Variants in HK2 observed in about 807,000 individuals in gnomAD.
The protein encoded by HK2 is hexokinase-2.
HK2 carries 42 observed loss-of-function variants against 92.9 expected under a neutral mutation model. The ratio of observed to expected loss-of-function variants is 0.45; its 90% CI spans 0.35 to 0.58. The LOEUF is 0.58. HK2 is among the 20% of genes least tolerant of loss of function. The pLI is 0.00. For missense variants in HK2, 978 were observed against 1,245.1 expected, an observed-to-expected ratio of 0.79 and a Z score of 3.23; for synonymous variants, 422 against 468.0, an observed-to-expected ratio of 0.90 and a Z score of 1.27.
chr2:74,883,455 A>C (rs1379678952), intron 12 of HK2, among the ~76,000 whole-genome samples: 1 of 152,138 alleles, frequency 6.6e-6, no homozygotes, highest in African/African-American at 2.4e-5. Context: ...CATTGTGGAG[A>C]GGGTCATGTA....
intron 5 of HK2, 36 bp from the exon 6 acceptor site, chr2:74,873,808 T>C: frequency 6.8e-7 from 1 of 1,460,274 alleles, no homozygotes; most frequent in African/African-American, 1.4e-5. Flanking sequence ...CCCTCTGTGA[T>C]GATGAAGGTC....
chr2:74,860,725 C>T (rs1216588151), intron 2 of HK2, among the ~76,000 whole-genome samples: 3 of 152,106 alleles, frequency 2.0e-5, no homozygotes, highest in East Asian at 1.9e-4. Flanking sequence ...TTTGTGGACA[C>T]GTTTTTAGTT....
intron 1 of HK2, among the ~76,000 whole-genome samples, chr2:74,836,402 T>C (rs1367984242): frequency 6.6e-6 from 1 of 152,200 alleles, no homozygotes; most frequent in Non-Finnish European, 1.5e-5. Flanking sequence ...GGAAATGAGT[T>C]GTAATCTCTG....
intron 1 of HK2, among the ~76,000 whole-genome samples, chr2:74,852,342 G>A (rs1001130929): frequency 6.6e-6 from 1 of 152,250 alleles, no homozygotes; most frequent in Admixed American, 6.5e-5. Context: ...GGAGTGGGAA[G>A]CCTCCAGGGT....
chr2:74,860,385 A>C (rs1688797562), intron 2 of HK2, among the ~76,000 whole-genome samples: 1 of 152,226 alleles, frequency 6.6e-6, no homozygotes, highest in Non-Finnish European at 1.5e-5. Flanking sequence ...ATCACCCCAG[A>C]AAGTTACCTT....
chr2:74,874,039 G>C, intron 6 of HK2, 96 bp downstream of exon 6: 1 of 1,033,860 alleles, frequency 9.7e-7, no homozygotes, highest in Non-Finnish European at 1.5e-6. Flanking sequence ...GTGTTCCTTT[G>C]TAGTTCATAT....
intron 2 of HK2, among the ~76,000 whole-genome samples, chr2:74,856,511 A>C (rs190036334): frequency 1.3e-5 from 2 of 152,228 alleles, no homozygotes; most frequent in Admixed American, 1.3e-4. Flanking sequence ...TTTATTTGAC[A>C]TTCAGATAAA....
chr2:74,876,270 C>T (rs1292458522), intron 7 of HK2, among the ~76,000 whole-genome samples: 1 of 152,164 alleles, frequency 6.6e-6, no homozygotes. Flanking sequence ...GAATCCCTTC[C>T]ACATCTCAGT....
chr2:74,872,931 G>GTA (rs1211539157), intron 4 of HK2, among the ~76,000 whole-genome samples: 1 of 152,224 alleles, frequency 6.6e-6, no homozygotes, highest in Non-Finnish European at 1.5e-5. Flanking sequence ...CCACAAATCT[G>GTA]TATAGCATGT....
In HK2 at chr2:74,834,331, C is replaced by G. The variant is rs1057091098; in HGVS notation, c.-250C>G. 1.9e-5 allele frequency: 11 copies of G among 571,366 alleles called. No individual in the cohort carries two copies. The highest frequency in any genetic ancestry group is 3.2e-5 in the Non-Finnish European group (10 of 317,196). The allele number at this position is 571,366 out of a possible 1,614,324, so 35.4% of individuals were successfully genotyped here. On this transcript the variant is annotated 5_prime_UTR_variant, in exon 1 of 18. Coordinates refer to ENST00000290573, the MANE Select transcript of HK2 (RefSeq NM_000189.5). The surrounding 1 kb of genome is among the most constrained non-coding windows in gnomAD (Gnocchi z 4.2). ...AGTTAGCGCCTTGACGTGGGACAAC[C>G]GGACACGTCGCCAGGAGAGAACTGA...
chr2:74,848,725 T>C (rs2103863671), intron 1 of HK2, among the ~76,000 whole-genome samples: 1 of 152,340 alleles, frequency 6.6e-6, no homozygotes, highest in South Asian at 2.1e-4. Flanking sequence ...AATTGGAATA[T>C]TGCTGTCTTC....
intron 3 of HK2, among the ~76,000 whole-genome samples, chr2:74,871,033 T>C (rs1385530386): frequency 6.6e-6 from 1 of 152,192 alleles, no homozygotes; most frequent in African/African-American, 2.4e-5. Context: ...TCTCCCAACC[T>C]CTCAGTTCCT....
Position 74,876,911 on chromosome 2 carries a change from T to C in HK2, c.876-255T>C, listed in dbSNP as rs186532045. 1.2e-4 allele frequency among the ~76,000 whole-genome samples: 18 copies of C among 152,370 alleles called. No homozygotes were observed. The East Asian group carries it at 3.3e-3, about 28-fold the overall frequency. On this transcript the variant is annotated intron_variant, in intron 7 of 17. Transcript: ENST00000290573. ...ATACAGGCTGTTCCAGAATGTTCCA[T>C]ACTCCCTGTGTGTTTCATTTGGCTG...
At position 74,874,196 on chromosome 2, in the gene HK2, A is replaced by G; in HGVS notation, c.692-70A>G. ...CCTGGCCGGGCAGTCTCGGGACAGT[A>G]GTATAAGAGGGAAGAGGGGTGGGAA... On this transcript the variant is annotated intron_variant, in intron 6 of 17. Coordinates refer to ENST00000290573, the MANE Select transcript of HK2 (RefSeq NM_000189.5). 4 of 1,577,898 alleles carry G rather than the reference A, an allele frequency of 2.5e-6. No homozygotes were observed. The Middle Eastern group carries it at 7.8e-4, about 310-fold the overall frequency.
At chr2:74,887,062 G>A (rs924859355) in intron 15 of HK2, among the ~76,000 whole-genome samples, 1 of 152,188 alleles carries the variant, frequency 6.6e-6, no homozygotes, top group African/African-American at 2.4e-5. Context: ...TTGAGCAAGG[G>A]GCCAGCCCCA....
At chr2:74,876,053 C>T (rs1689224075) in intron 7 of HK2, among the ~76,000 whole-genome samples, 1 of 152,216 alleles carries the variant, frequency 6.6e-6, no homozygotes, top group Non-Finnish European at 1.5e-5. Flanking sequence ...ACACGGAGTT[C>T]CTTACTGTTG....
rs1469401818 is a variant in HK2, at chr2:74,887,941, TTGTCCG to T, written c.2260_2265del (p.Val754_Arg755del). On this transcript the variant is annotated inframe_deletion, in exon 16 of 18. Coordinates refer to ENST00000290573, the MANE Select transcript of HK2 (RefSeq NM_000189.5). The stretch of plus-strand genomic sequence containing the variant: ...ATCAGTGGAATGTACCTGGGTGAGA[TTGTCCG>T]TAACATTCTCATCGATTTCACCAAG... 1.9e-6 allele frequency: 3 copies of T among 1,613,812 alleles called. No individual in the cohort carries two copies. Among genetic ancestry groups the T allele is most frequent in the Non-Finnish European group, 2.5e-6 (3 of 1,179,760 alleles).
At chr2:74,856,466 C>A (rs1688698847) in intron 2 of HK2, among the ~76,000 whole-genome samples, 1 of 152,078 alleles carries the variant, frequency 6.6e-6, no homozygotes, top group Non-Finnish European at 1.5e-5. Flanking sequence ...ACCTACCACT[C>A]CCTCTGACTG....
chr2:74,887,218 T>G (rs1246434921), intron 15 of HK2, among the ~76,000 whole-genome samples: 1 of 152,216 alleles, frequency 6.6e-6, no homozygotes. Context: ...AGAATACGCT[T>G]TGCAAAACAT....
Sources: gnomAD v4.1 joint callset for allele counts (sites outside exome capture counted in the v4.1 genomes callset) on GRCh38, gnomAD v4.1.1 for gene constraint, Gnocchi (gnomAD v3.1) non-coding constraint, MANE v1.5 for transcripts, NCBI Gene and HGNC (gene_info 2026-07-23, HGNC 2026-07-21) for gene names.